PLB1: variants seen among roughly 807,000 people sequenced by gnomAD.
PLB1 encodes phospholipase B1, membrane-associated.
In PLB1, 242 loss-of-function variants were observed where a neutral mutation model predicts 227.4. The ratio of observed to expected loss-of-function variants is 1.06; its 90% CI spans 0.96 to 1.18. The LOEUF (loss-of-function observed/expected upper bound fraction) is 1.18, where lower values mean the gene tolerates loss of function less well. PLB1 is among the 50% of genes most tolerant of loss of function. PLB1 has a pLI of 0.00. For missense variants in PLB1, 1,858 were observed against 1,816.3 expected, an observed-to-expected ratio of 1.02 and a Z score of -0.42; for synonymous variants, 757 against 682.2, an observed-to-expected ratio of 1.11 and a Z score of -1.71.
At chr2:28,565,476 C>A in intron 19 of PLB1, 123 bp downstream of exon 19, 3 of 803,316 alleles carry the variant, frequency 3.7e-6, no homozygotes, top group Non-Finnish European at 5.9e-6. Context: ...TTTCTATGAC[C>A]AACTTCTAGG....
chr2:28,503,017 G>C (rs116422028), intron 1 of PLB1, among the ~76,000 whole-genome samples: 1 of 151,970 alleles, frequency 6.6e-6, no homozygotes, highest in Non-Finnish European at 1.5e-5. Flanking sequence ...CATAAAATTT[G>C]TGTATGGTTT....
intron 56 of PLB1, among the ~76,000 whole-genome samples, chr2:28,634,153 C>T (rs1689024895): frequency 6.6e-6 from 1 of 152,338 alleles, no homozygotes; most frequent in East Asian, 1.9e-4. Flanking sequence ...CTTCCATTGT[C>T]AGGGGGTTTT....
chr2:28,610,085 ACTTT>A, intron 43 of PLB1, among the ~76,000 whole-genome samples: 2 of 151,840 alleles, frequency 1.3e-5, no homozygotes, highest in East Asian at 3.9e-4. Context: ...AAATGTTCAC[ACTTT>A]CTTTTTTATT....
chr2:28,568,573 C>A (rs577915325), intron 20 of PLB1, among the ~76,000 whole-genome samples: 1 of 152,230 alleles, frequency 6.6e-6, no homozygotes, highest in Non-Finnish European at 1.5e-5. Context: ...CCCCGTTCAA[C>A]CCCCTGTTCA....
intron 32 of PLB1, 25 bp downstream of exon 32, chr2:28,592,744 G>GT (rs778722265): frequency 6.2e-7 from 1 of 1,612,046 alleles, no homozygotes; most frequent in South Asian, 1.1e-5. Flanking sequence ...GCCCCAGGTG[G>GT]TTTGGGGATA....
At chr2:28,633,482 G>T in intron 56 of PLB1, 1 of 159,340 alleles carries the variant, frequency 6.3e-6, no homozygotes, top group South Asian at 1.8e-4. Flanking sequence ...ACAATAGTTA[G>T]CACTCAGCAA....
intron 43 of PLB1, among the ~76,000 whole-genome samples, chr2:28,609,284 T>C (rs1685110170): frequency 6.6e-6 from 1 of 152,180 alleles, no homozygotes; most frequent in African/African-American, 2.4e-5. Flanking sequence ...CAGGATTTCC[T>C]GTAAAATTTC....
intron 46 of PLB1, 91 bp downstream of exon 46, chr2:28,618,490 T>C: frequency 7.4e-7 from 1 of 1,356,358 alleles, no homozygotes; most frequent in Non-Finnish European, 1.0e-6. Flanking sequence ...GGCTCCGCTT[T>C]CAGTGCTGAG....
chr2:28,589,918 C>G (rs989089341), intron 28 of PLB1, 87 bp from the exon 29 acceptor site: 3 of 1,394,208 alleles, frequency 2.2e-6, no homozygotes, highest in African/African-American at 2.8e-5. Flanking sequence ...TCATCCCTCC[C>G]TGCCTCCCGC....
At chr2:28,545,506 A>G (rs1254078806) in intron 14 of PLB1, among the ~76,000 whole-genome samples, 4 of 152,150 alleles carry the variant, frequency 2.6e-5, no homozygotes, top group Non-Finnish European at 4.4e-5. Context: ...CAGGAGCCAG[A>G]AAACCCGGGC....
chr2:28,520,858 C>G (rs77017886), intron 4 of PLB1, among the ~76,000 whole-genome samples: 19,253 of 152,064 alleles, frequency 0.13, 1,325 homozygotes, highest in East Asian at 0.22. Flanking sequence ...ACCTGTAATC[C>G]CAGCTACTTG....
At position 28,590,026 on chromosome 2, in the gene PLB1, A is replaced by G. The variant is rs1230774088; in HGVS notation, c.2038A>G (p.Thr680Ala). 1 of 1,613,692 alleles carries G rather than the reference A, an allele frequency of 6.2e-7. No homozygotes were observed. The highest frequency in any genetic ancestry group is 8.5e-7 in the Non-Finnish European group (1 of 1,179,802). Residue 680 changes from threonine to alanine, a missense_variant, in exon 29 of 58, where the codon ACG becomes GCG. Thr to Ala is a moderately conservative substitution (Grantham distance 58). Transcript: ENST00000327757. ...TTAGCTGGAGCCTGTTGGCCAGAAG[A>G]CGACTCGTCATAAGTTTGAAAACAA... ...NNMLEPVGQK[T>A]TRHKFENKIN...
chr2:28,567,571 T>G (rs775288423), intron 20 of PLB1, among the ~76,000 whole-genome samples: 1 of 148,598 alleles, frequency 6.7e-6, no homozygotes, highest in African/African-American at 2.5e-5. Context: ...CCTCCCTGGT[T>G]CAAGCGATTC....
chr2:28,598,921 AT>A (rs35548278), intron 35 of PLB1, among the ~76,000 whole-genome samples, 161 bp downstream of exon 35: 16,513 of 152,260 alleles, frequency 0.11, 1,252 homozygotes, highest in Middle Eastern at 0.19. Context: ...GAAGGTTGTA[AT>A]AGGCCAGAGA....
intron 25 of PLB1, among the ~76,000 whole-genome samples, chr2:28,583,540 C>G (rs1488370670): frequency 6.6e-6 from 1 of 152,158 alleles, no homozygotes; most frequent in Admixed American, 6.5e-5. Context: ...AAATTCCACA[C>G]CTGACTTCAT....
chr2:28,582,017 A>G (rs1217978973), intron 23 of PLB1, 51 bp from the exon 24 acceptor site: 1 of 1,519,176 alleles, frequency 6.6e-7, no homozygotes, highest in South Asian at 1.1e-5. Context: ...CCTGTTCTGT[A>G]GAGAGATTAG....
At chr2:28,629,208 C>G in intron 53 of PLB1, 23 bp downstream of exon 53, 1 of 1,608,418 alleles carries the variant, frequency 6.2e-7, no homozygotes, top group Non-Finnish European at 8.5e-7. Flanking sequence ...GTCACCGTCC[C>G]AAGGCAAGGG....
intron 24 of PLB1, 61 bp downstream of exon 24, chr2:28,582,194 C>T (rs1680144394): frequency 6.5e-7 from 1 of 1,548,378 alleles, no homozygotes. Context: ...AGAGGAAGCT[C>T]TGGCATCCTG....
chr2:28,596,682 A>C (rs1682964918), intron 33 of PLB1, among the ~76,000 whole-genome samples: 1 of 152,254 alleles, frequency 6.6e-6, no homozygotes, highest in Non-Finnish European at 1.5e-5. Context: ...CTGGAAAAGA[A>C]TCAGACGCTT....
Sources: allele counts gnomAD v4.1 joint callset (sites outside exome capture counted in the v4.1 genomes callset), GRCh38; gene constraint gnomAD v4.1.1; transcripts MANE v1.5; gene names NCBI Gene and HGNC (gene_info 2026-07-23, HGNC 2026-07-21).